Variants in ZNF507 observed in about 807,000 individuals in gnomAD.
ZNF507 encodes the protein zinc finger protein 507.
A neutral mutation model predicts 80.0 loss-of-function variants in ZNF507; 29 were observed. The observed-to-expected ratio is 0.36, with a 90% CI of 0.27 to 0.49. The LOEUF (loss-of-function observed/expected upper bound fraction) is 0.49, where lower values mean the gene tolerates loss of function less well. Ranked by LOEUF, ZNF507 falls within the 20% of genes least tolerant of loss-of-function variation. ZNF507 has a pLI of 0.98. For synonymous variants in ZNF507, 462 were observed against 422.5 expected (o/e 1.09, Z -1.15); for missense variants, 1,081 against 1,152.2 (o/e 0.94, Z 0.90).
At position 32,354,404 on chromosome 19, in the gene ZNF507, A is replaced by G. The variant is rs200639507; in HGVS notation, c.1574A>G (p.Asp525Gly). ...LGHYGDINLL[D>G]PDTSQRQVDS... The stretch of plus-strand genomic sequence containing the variant: ...CACTATGGAGATATAAACCTTTTAG[A>G]TCCAGATACTAGTCAAAGGCAAGTA... The change falls in exon 3 of 7, where the codon GAT becomes GGT. Residue 525 changes from aspartate (D) to glycine (G), a missense_variant. Coordinates refer to ENST00000355898, the MANE Select transcript of ZNF507 (RefSeq NM_001136156.2). 2.5e-6 allele frequency: 4 copies of G among 1,614,112 alleles called. No individual in the cohort carries two copies. The Middle Eastern group carries it at 6.6e-4, about 266-fold the overall frequency.
At chr19:32,360,916 C>T (rs112618502) in intron 5 of ZNF507, among the ~76,000 whole-genome samples, 5 of 152,056 alleles carry the variant, frequency 3.3e-5, no homozygotes, top group African/African-American at 7.2e-5. Flanking sequence ...GGATTGCAGG[C>T]GTGAGCCACT....
chr19:32,365,352 A>G (rs1236339181), intron 5 of ZNF507, among the ~76,000 whole-genome samples: 2 of 152,042 alleles, frequency 1.3e-5, no homozygotes, highest in South Asian at 2.1e-4. Context: ...AGATACAGCT[A>G]TTTATCTTTG....
chr19:32,372,812 T>C (rs566635574), intron 5 of ZNF507, among the ~76,000 whole-genome samples: 1 of 152,044 alleles, frequency 6.6e-6, no homozygotes, highest in South Asian at 2.1e-4. Context: ...TACAGCCACA[T>C]TGGGAATCAA....
Position 32,354,559 on chromosome 19 carries a change from G to A in ZNF507, c.1729G>A (p.Gly577Arg), listed in dbSNP as rs527590650. 2 of 1,614,124 alleles carry A rather than the reference G, an allele frequency of 1.2e-6. No homozygotes were observed. Among genetic ancestry groups the A allele is most frequent in the Admixed American group, 3.3e-5 (2 of 60,010 alleles). ...LPEGRQELSD[G>R]QVKTGISMSL... ...AGAGGGTAGGCAGGAATTGTCAGAT[G>A]GGCAGGTTAAGACAGGCATCAGCAT... is the stretch of plus-strand genomic sequence containing the variant. The change falls in exon 3 of 7, where the codon GGG becomes AGG. Residue 577 changes from glycine to arginine, a missense_variant. This residue lies in a region of ZNF507 where 614 missense variants were observed against 583.9 expected (regional missense o/e 1.05). Transcript: ENST00000355898.
intron 5 of ZNF507, among the ~76,000 whole-genome samples, chr19:32,373,785 C>G (rs1162337774): frequency 6.6e-6 from 1 of 152,212 alleles, no homozygotes; most frequent in East Asian, 1.9e-4. Flanking sequence ...AGCATTATCA[C>G]TTTGTGGGTT....
Position 32,353,555 on chromosome 19 carries a change from A to G in ZNF507, c.725A>G (p.Tyr242Cys), listed in dbSNP as rs1286123590. 2 of 1,614,250 alleles carry G rather than the reference A, an allele frequency of 1.2e-6. No homozygotes were observed. Among genetic ancestry groups the G allele is most frequent in the East Asian group, 2.2e-5 (1 of 44,890 alleles). ...ATGGGTAGGAGGAAATGGTATGCAT[A>G]CGAACAGTACGGCATGTATCGATGC... The part of the protein sequence containing the change: ...AEMGRRKWYA[Y>C]EQYGMYRCLF... The change falls in exon 3 of 7, where the codon TAC (tyrosine) becomes TGC (cysteine). Residue 242 changes from tyrosine (Y) to cysteine (C), a missense_variant. Transcript: ENST00000355898.
rs1238459482 is a variant in ZNF507, at chr19:32,356,647, A to G, written c.2159A>G (p.His720Arg). The change falls in exon 4 of 7, where the codon CAC becomes CGC. Residue 720 changes from histidine (H) to arginine (R), a missense_variant. This residue lies in a region of ZNF507 where 614 missense variants were observed against 583.9 expected (regional missense o/e 1.05). Coordinates refer to ENST00000355898, the MANE Select transcript of ZNF507 (RefSeq NM_001136156.2). ...SQLRNHEREQ[H>R]SLPDTLSIAT... ...TTGAGGAACCATGAGAGAGAACAGCACAGTCTTCCAGATACCTTGTCAATA... is the reference window on the plus strand; with the variant it reads ...TTGAGGAACCATGAGAGAGAACAGCGCAGTCTTCCAGATACCTTGTCAATA... 6.2e-7 allele frequency: 1 copy of G among 1,614,028 alleles called. No individual in the cohort carries two copies. Among genetic ancestry groups the G allele is most frequent in the Non-Finnish European group, 8.5e-7 (1 of 1,180,010 alleles).
rs752076853 is a variant in ZNF507 at position 32,354,386 on chromosome 19, G to C, written c.1556G>C (p.Gly519Ala). The part of the protein sequence containing the change: ...ELTRANLGHY[G>A]DINLLDPDTS... ...ACAAGAGCCAACCTGGGGCACTATG[G>C]AGATATAAACCTTTTAGATCCAGAT... The change falls in exon 3 of 7, where the codon GGA (glycine) becomes GCA (alanine). Residue 519 changes from glycine (G) to alanine (A), a missense_variant. This residue lies in a region of ZNF507 where 614 missense variants were observed against 583.9 expected (regional missense o/e 1.05). Transcript: ENST00000355898. 5 of 1,614,130 alleles carry C rather than the reference G, an allele frequency of 3.1e-6. No homozygotes were observed. In the South Asian group the frequency reaches 5.5e-5, roughly 18 times the overall value.
chr19:32,355,419 A>G (rs1414721590), intron 3 of ZNF507, among the ~76,000 whole-genome samples: 3 of 152,200 alleles, frequency 2.0e-5, no homozygotes, highest in Non-Finnish European at 4.4e-5. Context: ...GTATCATTGC[A>G]GAAGGAAAAA....
chr19:32,348,209 T>G (rs557344247), intron 2 of ZNF507, among the ~76,000 whole-genome samples: 4 of 152,314 alleles, frequency 2.6e-5, no homozygotes, highest in East Asian at 1.9e-4. Flanking sequence ...GTCCCCTGCC[T>G]TCTTTTGGCT....
chr19:32,386,256 T>TC lies in ZNF507; in HGVS notation c.*3174dup, dbSNP rs1967688421. 6.6e-6 allele frequency: 1 copy of TC among 152,636 alleles called. No individual in the cohort carries two copies. The highest frequency in any genetic ancestry group is 1.5e-5 in the Non-Finnish European group (1 of 68,038). 9.5% of individuals were successfully genotyped at this position (152,636 alleles called of 1,614,324 possible). On this transcript the variant is annotated 3_prime_UTR_variant, in exon 7 of 7. Coordinates refer to ENST00000355898, the MANE Select transcript of ZNF507 (RefSeq NM_001136156.2). ...TGGCTTCATAATTTTCTGTTTTTTT[T>TC]CTCACAAAGTAAATGGTGGGCATCC...
intron 5 of ZNF507, among the ~76,000 whole-genome samples, chr19:32,363,407 C>G (rs549070354): frequency 6.6e-6 from 1 of 152,066 alleles, no homozygotes; most frequent in East Asian, 1.9e-4. Flanking sequence ...GAAACCTGTT[C>G]CTTTCTCGTG....
intron 5 of ZNF507, among the ~76,000 whole-genome samples, chr19:32,374,095 G>T (rs1470604396): frequency 1.3e-5 from 2 of 151,904 alleles, no homozygotes; most frequent in Admixed American, 1.3e-4. Flanking sequence ...GAACCATCCT[G>T]TCGGGGGACT....
At chr19:32,360,432 C>A in intron 4 of ZNF507, 72 bp from the exon 5 acceptor site, 1 of 700,354 alleles carries the variant, frequency 1.4e-6, no homozygotes, top group Non-Finnish European at 2.3e-6. Context: ...TTTTCATTTA[C>A]AATGGAATGT....
At chr19:32,374,625 G>C (rs1261942329) in intron 5 of ZNF507, among the ~76,000 whole-genome samples, 1 of 151,864 alleles carries the variant, frequency 6.6e-6, no homozygotes, top group Non-Finnish European at 1.5e-5. Context: ...GGGATTACAG[G>C]CACCCGCCAC....
chr19:32,371,634 A>AT (rs1215682122), intron 5 of ZNF507, among the ~76,000 whole-genome samples: 3 of 92,552 alleles, frequency 3.2e-5, no homozygotes, highest in Admixed American at 1.4e-4. Flanking sequence ...GTTTATTATT[A>AT]TTATTATTAT....
chr19:32,381,324 G>A (rs1048806356), intron 5 of ZNF507, among the ~76,000 whole-genome samples: 1 of 152,080 alleles, frequency 6.6e-6, no homozygotes, highest in South Asian at 2.1e-4. Flanking sequence ...AAACAGAATT[G>A]GCTGGGCATG....
At chr19:32,352,767 A>T (rs545434323) in intron 2 of ZNF507, 62 bp from the exon 3 acceptor site, 1 of 1,443,916 alleles carries the variant, frequency 6.9e-7, no homozygotes, top group Non-Finnish European at 9.3e-7. Context: ...ATATTTTCCA[A>T]ATTACATGCC....
At chr19:32,356,575 G>A (rs1462296592) in intron 3 of ZNF507, 41 bp from the exon 4 acceptor site, 2 of 1,433,718 alleles carry the variant, frequency 1.4e-6, no homozygotes, top group South Asian at 1.2e-5. Flanking sequence ...AGTTGGACAT[G>A]TATATTTATT....
Sources: allele counts gnomAD v4.1 joint callset (sites outside exome capture counted in the v4.1 genomes callset), GRCh38; gene constraint gnomAD v4.1.1; regional missense constraint gnomAD v4.1.1; transcripts MANE v1.5; gene names NCBI Gene and HGNC (gene_info 2026-07-23, HGNC 2026-07-21).